The following IL1RL2 variants were observed in gnomAD, a reference collection of about 807,000 sequenced individuals.
IL1RL2 encodes interleukin-1 receptor-like 2.
A neutral mutation model predicts 66.8 loss-of-function variants in IL1RL2; 68 were observed. The ratio of observed to expected loss-of-function variants is 1.02; its 90% CI spans 0.84 to 1.25. The LOEUF (loss-of-function observed/expected upper bound fraction) is 1.25, where lower values mean the gene tolerates loss of function less well. IL1RL2 is among the 50% of genes most tolerant of loss of function. The pLI is 0.00. For synonymous variants in IL1RL2, 305 were observed against 264.6 expected, an observed-to-expected ratio of 1.15 and a Z score of -1.48; for missense variants, 729 against 709.3, an observed-to-expected ratio of 1.03 and a Z score of -0.32.
intron 7 of IL1RL2, 122 bp downstream of exon 7, chr2:102,219,204 C>A (rs1578162860): frequency 9.4e-7 from 1 of 1,060,296 alleles, no homozygotes; most frequent in Admixed American, 1.9e-5. Flanking sequence ...TGTTATCAAT[C>A]CCACCTATCA....
chr2:102,197,206 A>T (rs1687861228), intron 4 of IL1RL2, among the ~76,000 whole-genome samples: 1 of 152,164 alleles, frequency 6.6e-6, no homozygotes, highest in African/African-American at 2.4e-5. Context: ...TGTTTATGTG[A>T]TTATCTCCTA....
At chr2:102,201,793 G>T in intron 5 of IL1RL2, 78 bp downstream of exon 5, 2 of 1,407,152 alleles carry the variant, frequency 1.4e-6, no homozygotes, top group Non-Finnish European at 2.0e-6. Context: ...TGGGTTTTGG[G>T]CTTTGAGCAG....
chr2:102,207,497 G>T (rs957892292), intron 5 of IL1RL2, among the ~76,000 whole-genome samples: 1 of 152,088 alleles, frequency 6.6e-6, no homozygotes, highest in Non-Finnish European at 1.5e-5. Context: ...CAAGGCAGCG[G>T]GTCCCCTTCT....
chr2:102,234,541 C>A (rs1327112423), intron 10 of IL1RL2, among the ~76,000 whole-genome samples: 1 of 152,116 alleles, frequency 6.6e-6, no homozygotes, highest in African/African-American at 2.4e-5. Context: ...CACCTGTAAC[C>A]CCAGCACCTT....
At chr2:102,235,341 G>A in intron 11 of IL1RL2, 64 bp downstream of exon 11, 2 of 1,560,132 alleles carry the variant, frequency 1.3e-6, no homozygotes. Flanking sequence ...TTGCGTGGTG[G>A]CTCACAGCTG....
At position 102,192,100 on chromosome 2, in the gene IL1RL2, G is replaced by T; in HGVS notation, c.469G>T (p.Gly157Cys). Residue 157 changes from glycine to cysteine, a missense_variant, in exon 4 of 12, where the codon GGT (glycine) becomes TGT (cysteine). Gly to Cys is a radical substitution (Grantham distance 159). Coordinates refer to ENST00000264257, the MANE Select transcript of IL1RL2 (RefSeq NM_003854.4). ...GCACTTCCCGAAGAGTTGTGTTTTG[G>T]GTCCAATAAAGTGGTATAAGGTAAA... The part of the protein sequence containing the change: ...HLHFPKSCVL[G>C]PIKWYKDCNE... 6.3e-7 allele frequency: 1 copy of T among 1,589,750 alleles called. No individual in the cohort carries two copies. The highest frequency in any genetic ancestry group is 1.2e-5 in the South Asian group (1 of 86,062).
intron 3 of IL1RL2, 48 bp from the exon 4 acceptor site, chr2:102,191,877 T>A: frequency 8.0e-7 from 1 of 1,246,730 alleles, no homozygotes; most frequent in South Asian, 1.3e-5. Context: ...ATTATTTGAT[T>A]TTGTGATTTG....
chr2:102,226,980 T>C (rs1690674804), intron 9 of IL1RL2, among the ~76,000 whole-genome samples: 1 of 152,244 alleles, frequency 6.6e-6, no homozygotes, highest in South Asian at 2.1e-4. Flanking sequence ...TCTGTGGGCC[T>C]ATGTCCTGCC....
At chr2:102,195,320 C>A (rs1351811231) in intron 4 of IL1RL2, among the ~76,000 whole-genome samples, 1 of 152,118 alleles carries the variant, frequency 6.6e-6, no homozygotes, top group Non-Finnish European at 1.5e-5. Flanking sequence ...TTTTTCCTAC[C>A]CCTAAGTAAA....
downstream of IL1RL2, among the ~76,000 whole-genome samples, chr2:102,241,554 C>T (rs1482816289): frequency 6.6e-6 from 1 of 152,220 alleles, no homozygotes; most frequent in Non-Finnish European, 1.5e-5. Flanking sequence ...AGGATTAATT[C>T]GTACAAAAGC....
chr2:102,208,513 A>G lies in IL1RL2; in HGVS notation c.650-3587A>G, dbSNP rs186799902. Among the ~76,000 whole-genome samples, 288 of 152,310 alleles carry G rather than the reference A, an allele frequency of 1.9e-3. 2 individuals carry two copies. The highest frequency in any genetic ancestry group is 9.7e-3 in the South Asian group (47 of 4,828). ...TCTTTAGTAGAAAGTTGTTTTCTAT[A>G]TTTACTCATCTAGATGAGAAGAACT... On this transcript the variant is annotated intron_variant, in intron 5 of 11. Coordinates refer to ENST00000264257, the MANE Select transcript of IL1RL2 (RefSeq NM_003854.4).
rs1262049632 is a variant in IL1RL2, at chr2:102,219,969, A to G, written c.943A>G (p.Met315Val). Reference sequence around the variant, plus strand: ...AATGGAAGATTATGGCCTTCCTTTCATGTGCCACGCTGGAGTGTCCACAGC... The same window carrying G: ...AATGGAAGATTATGGCCTTCCTTTCGTGTGCCACGCTGGAGTGTCCACAGC... The part of the protein sequence containing the change: ...VKMEDYGLPF[M>V]CHAGVSTAYI... Residue 315 changes from methionine (M) to valine (V), a missense_variant, in exon 8 of 12, where the codon ATG becomes GTG. By Grantham distance (21) the Met-to-Val change is conservative. Coordinates refer to ENST00000264257, the MANE Select transcript of IL1RL2 (RefSeq NM_003854.4). The G allele has an allele frequency of 1.9e-6, 3 of 1,613,806 alleles. No homozygotes were observed. In the African/African-American group the frequency reaches 4.0e-5, roughly 22 times the overall value.
At chr2:102,218,447 G>T (rs892843654) in intron 6 of IL1RL2, among the ~76,000 whole-genome samples, 1 of 152,106 alleles carries the variant, frequency 6.6e-6, no homozygotes, top group East Asian at 1.9e-4. Flanking sequence ...GTTACATTTG[G>T]TGAAGCAGAA....
At chr2:102,223,296 G>A (rs1413019116) in intron 8 of IL1RL2, among the ~76,000 whole-genome samples, 5 of 152,258 alleles carry the variant, frequency 3.3e-5, no homozygotes, top group South Asian at 2.1e-4. Context: ...ACTTCCTTAT[G>A]TTTGTTAAAG....
At chr2:102,204,995 C>T (rs563560485) in intron 5 of IL1RL2, among the ~76,000 whole-genome samples, 4 of 151,752 alleles carry the variant, frequency 2.6e-5, no homozygotes, top group African/African-American at 9.7e-5. Context: ...TGATTTCTTG[C>T]TTTTTATTTT....
intron 9 of IL1RL2, among the ~76,000 whole-genome samples, chr2:102,231,739 G>C (rs373166741): frequency 6.6e-6 from 1 of 152,134 alleles, no homozygotes. Flanking sequence ...TGCTTTTGAG[G>C]TTGCTCAATA....
chr2:102,210,534 G>C (rs1354860807), intron 5 of IL1RL2, among the ~76,000 whole-genome samples: 1 of 152,188 alleles, frequency 6.6e-6, no homozygotes, highest in East Asian at 1.9e-4. Flanking sequence ...TGAAGGCACA[G>C]GTAACATGAT....
chr2:102,199,956 C>T (rs905209683), intron 4 of IL1RL2, among the ~76,000 whole-genome samples: 6 of 151,842 alleles, frequency 4.0e-5, no homozygotes, highest in African/African-American at 1.2e-4. Context: ...CTCAGGTGTT[C>T]GAGACCAGCC....
intron 11 of IL1RL2, 41 bp from the exon 12 acceptor site, chr2:102,239,151 C>T (rs771684931): frequency 6.3e-6 from 10 of 1,597,036 alleles, no homozygotes; most frequent in Non-Finnish European, 8.6e-6. Context: ...CCATCTCCCA[C>T]CACATCAGAA....
Sources: allele counts gnomAD v4.1 joint callset (sites outside exome capture counted in the v4.1 genomes callset), GRCh38; gene constraint gnomAD v4.1.1; transcripts MANE v1.5; gene names NCBI Gene and HGNC (gene_info 2026-07-23, HGNC 2026-07-21).